Variants in PITPNM1 observed in about 807,000 individuals in gnomAD.
The protein encoded by PITPNM1 is membrane-associated phosphatidylinositol transfer protein 1.
Under a neutral mutation model 133.3 loss-of-function variants are expected in PITPNM1, and 74 were observed. The observed-to-expected ratio is 0.56, with a 90% CI of 0.46 to 0.67. PITPNM1 has a LOEUF of 0.67. Among genes scored for constraint, PITPNM1 ranks in the 30% least tolerant of loss-of-function variants. PITPNM1 has a pLI of 0.00. For missense variants in PITPNM1, 1,398 were observed against 1,739.5 expected, an observed-to-expected ratio of 0.80 and a Z score of 3.49; for synonymous variants, 738 against 741.4, an observed-to-expected ratio of 1.00 and a Z score of 0.08.
At chr11:67,500,890 AAGTT>A (rs1014517998) in intron 5 of PITPNM1, among the ~76,000 whole-genome samples, 3 of 152,272 alleles carry the variant, frequency 2.0e-5, no homozygotes, top group Non-Finnish European at 4.4e-5. Flanking sequence ...GCAGAAGAAA[AAGTT>A]AGAAACTCTT....
upstream of PITPNM1, among the ~76,000 whole-genome samples, chr11:67,505,525 G>A (rs1484630179): frequency 6.6e-6 from 1 of 152,204 alleles, no homozygotes; most frequent in African/African-American, 2.4e-5. This position sits in a 1 kb window ranked among gnomAD's most constrained non-coding sequence, Gnocchi z 5.8. Flanking sequence ...GTGGGAAAAA[G>A]GCCATTGCCT....
chr11:67,493,693 C>T lies in PITPNM1; in HGVS notation c.3153G>A (p.Val1051=), dbSNP rs1190195555. 1 of 1,546,350 alleles carries T rather than the reference C, an allele frequency of 6.5e-7. No homozygotes were observed. Among genetic ancestry groups the T allele is most frequent in the Non-Finnish European group, 8.7e-7 (1 of 1,146,904 alleles). The change falls in exon 21 of 24, where the codon GTG becomes GTA. Residue 1051 remains valine, a synonymous_variant. Coordinates refer to ENST00000356404, the MANE Select transcript of PITPNM1 (RefSeq NM_004910.3). ...DPKVRAGAVD[V]VRHWQDSGYL... ...GTGGCAGTGGCAACTCCTACCTGACCACGTCCACGGCGCCAGCTCGCACCT... is the reference window on the plus strand; with the variant it reads ...GTGGCAGTGGCAACTCCTACCTGACTACGTCCACGGCGCCAGCTCGCACCT...
chr11:67,505,942 G>C (rs553639231), upstream of PITPNM1, among the ~76,000 whole-genome samples: 5 of 152,356 alleles, frequency 3.3e-5, no homozygotes, highest in South Asian at 1.0e-3. The surrounding 1 kb of genome is among the most constrained non-coding windows in gnomAD (Gnocchi z 5.8). Context: ...GCCACCCGGA[G>C]TCTGGGCAAA....
chr11:67,494,386 C>T (rs754411060), intron 18 of PITPNM1, 26 bp from the exon 19 acceptor site: 2 of 1,531,986 alleles, frequency 1.3e-6, no homozygotes, highest in East Asian at 2.3e-5. Flanking sequence ...GGCGTGAGTC[C>T]GCGGCCAGCA....
In PITPNM1 at chr11:67,496,367, A is replaced by C. The variant is rs1297458516; in HGVS notation, c.2147-19T>G. ...TGGGCTGCTGGTACCCAGAAGACAG[A>C]GAAAGATTGTGGGGTCAGGGTTTCA... On this transcript the variant is annotated intron_variant, in intron 14 of 23. Coordinates refer to ENST00000356404, the MANE Select transcript of PITPNM1 (RefSeq NM_004910.3). The C allele has an allele frequency of 1.3e-6, 2 of 1,563,438 alleles. No individual in the cohort carries two copies. Among genetic ancestry groups the C allele is most frequent in the Non-Finnish European group, 8.6e-7 (1 of 1,164,704 alleles).
rs760646698 is a variant in PITPNM1 at position 67,494,331 on chromosome 11, G to A, written c.2772C>T (p.Asp924=). The A allele has an allele frequency of 5.6e-6, 9 of 1,609,872 alleles. No individual in the cohort carries two copies. In the South Asian group the frequency reaches 9.9e-5, roughly 18 times the overall value. Residue 924 remains aspartate (D), a synonymous_variant, in exon 19 of 24, where the codon GAC becomes GAT. Coordinates refer to ENST00000356404, the MANE Select transcript of PITPNM1 (RefSeq NM_004910.3). ...GGGGGCGGCCCTCGCACACCACCGT[G>A]TCGCTCGCCCGGTGGTTGGAAGTGA... ...RNVTSNHRAS[D]TVVCEGRPQV...
rs958175013 is a variant in PITPNM1 at position 67,503,993 on chromosome 11, G to A, written c.78+110C>T. 9.8e-6 allele frequency: 7 copies of A among 713,266 alleles called. No individual in the cohort carries two copies. In the East Asian group the frequency reaches 1.8e-4, roughly 18 times the overall value. 44.2% of individuals were successfully genotyped at this position (713,266 alleles called of 1,614,324 possible). On this transcript the variant is annotated intron_variant, in intron 2 of 23. Transcript: ENST00000356404. Reference sequence around the variant, plus strand: ...TCCCCATTCCCACATCTGAAGGGGGGCCTCTCTTGCCTCCTCCGGGCTCCC... The same window carrying A: ...TCCCCATTCCCACATCTGAAGGGGGACCTCTCTTGCCTCCTCCGGGCTCCC...
At chr11:67,494,150 T>A (rs946768189) in intron 19 of PITPNM1, 80 bp from the exon 20 acceptor site, 1 of 1,508,732 alleles carries the variant, frequency 6.6e-7, no homozygotes, top group Non-Finnish European at 9.0e-7. Flanking sequence ...CGGGGATGGG[T>A]GGGTCTAGGG....
intron 14 of PITPNM1, 101 bp from the exon 15 acceptor site, chr11:67,496,449 C>T (rs1866125649): frequency 9.1e-7 from 1 of 1,097,588 alleles, no homozygotes; most frequent in African/African-American, 1.6e-5. Flanking sequence ...TCTGGTGTGA[C>T]CCCGAGCCAG....
intron 5 of PITPNM1, among the ~76,000 whole-genome samples, chr11:67,500,749 G>A (rs528326367): frequency 2.2e-4 from 34 of 152,348 alleles, no homozygotes; most frequent in African/African-American, 7.7e-4. Flanking sequence ...GGAATTAACA[G>A]TTAATTAAGG....
At chr11:67,496,466 C>T in intron 14 of PITPNM1, 118 bp from the exon 15 acceptor site, 1 of 833,954 alleles carries the variant, frequency 1.2e-6, no homozygotes, top group Non-Finnish European at 1.8e-6. Flanking sequence ...CCAGCACTTC[C>T]CAAACTGCAC....
chr11:67,496,037 A>G lies in PITPNM1; in HGVS notation c.2317+141T>C, dbSNP rs17847840. 3.6e-6 allele frequency: 3 copies of G among 830,990 alleles called. No individual in the cohort carries two copies. In the East Asian group the frequency reaches 1.0e-4, roughly 28 times the overall value. The allele number at this position is 830,990 out of a possible 1,614,324, so 51.5% of individuals were successfully genotyped here. Reference sequence around the variant, plus strand: ...GGGTCCTGGGGATCCAGACCCCCCCAGGGGGAAGGAGCGCCTGGTCCTGGG... The same window carrying G: ...GGGTCCTGGGGATCCAGACCCCCCCGGGGGGAAGGAGCGCCTGGTCCTGGG... On this transcript the variant is annotated intron_variant, in intron 15 of 23. Coordinates refer to ENST00000356404, the MANE Select transcript of PITPNM1 (RefSeq NM_004910.3).
Position 67,493,050 on chromosome 11 carries a change from T to A in PITPNM1, c.3355A>T (p.Ile1119Phe). The A allele has an allele frequency of 6.2e-7, 1 of 1,612,950 alleles. No homozygotes were observed. The highest frequency in any genetic ancestry group is 8.5e-7 in the Non-Finnish European group (1 of 1,179,876). ...TTGGGAGACCCATAACCGGCCACGA[T>A]GTTCAGTTCTACCTGTGGCGGGAGA... ...QSLVQEVELNIVAGYGSPKDV... is the reference protein window; with the variant it reads ...QSLVQEVELNFVAGYGSPKDV... Residue 1119 changes from isoleucine to phenylalanine, a missense_variant, in exon 23 of 24, where the codon ATC (isoleucine) becomes TTC (phenylalanine). This residue lies in a region of PITPNM1 where 233 missense variants were observed against 378.0 expected (regional missense o/e 0.62). Coordinates refer to ENST00000356404, the MANE Select transcript of PITPNM1 (RefSeq NM_004910.3).
chr11:67,493,645 T>C, intron 21 of PITPNM1, 43 bp downstream of exon 21: 1 of 1,545,338 alleles, frequency 6.5e-7, no homozygotes, highest in Non-Finnish European at 8.7e-7. Context: ...GAGGGGCCGG[T>C]CACCCCGGTG....
Position 67,495,605 on chromosome 11 carries a change from G to A in PITPNM1, c.2318-3C>T, listed in dbSNP as rs986242184. On this transcript the variant is annotated splice_region_variant and splice_polypyrimidine_tract_variant and intron_variant, in intron 15 of 23. Transcript: ENST00000356404. ...GGAGTGCGTCTGCAGAGTGTCGGCT[G>A]GGGGAAGGAGGGCAAGGTCAGCAGG... The A allele has an allele frequency of 1.2e-5, 19 of 1,559,902 alleles. No homozygotes were observed. The highest frequency in any genetic ancestry group is 1.6e-5 in the Non-Finnish European group (19 of 1,159,340).
chr11:67,496,434 T>A, intron 14 of PITPNM1, 86 bp from the exon 15 acceptor site: 1 of 1,232,790 alleles, frequency 8.1e-7, no homozygotes, highest in Non-Finnish European at 1.1e-6. Flanking sequence ...AGCAGCACCC[T>A]GATGTCTGGT....
intron 15 of PITPNM1, 74 bp from the exon 16 acceptor site, chr11:67,495,676 A>C: frequency 7.3e-7 from 1 of 1,372,068 alleles, no homozygotes; most frequent in Non-Finnish European, 9.7e-7. Flanking sequence ...GGCTCCCCGC[A>C]CCTCTGCCAT....
At position 67,498,463 on chromosome 11, in the gene PITPNM1, C is replaced by G; in HGVS notation, c.1484+133G>C. Reference sequence around the variant, plus strand: ...GCCCCAAGAGGCAACTGAAATGGAGCCATTCTCCAGAACAGGTCCAGCCAT... The same window carrying G: ...GCCCCAAGAGGCAACTGAAATGGAGGCATTCTCCAGAACAGGTCCAGCCAT... On this transcript the variant is annotated intron_variant, in intron 10 of 23. Coordinates refer to ENST00000356404, the MANE Select transcript of PITPNM1 (RefSeq NM_004910.3). The surrounding 1 kb of genome is among the most constrained non-coding windows in gnomAD (Gnocchi z 5.7). 7.0e-7 allele frequency: 1 copy of G among 1,436,938 alleles called. No individual in the cohort carries two copies. Among genetic ancestry groups the G allele is most frequent in the Middle Eastern group, 2.5e-4 (1 of 4,058 alleles). 89.0% of individuals were successfully genotyped at this position (1,436,938 alleles called of 1,614,324 possible).
rs369087606 is a variant in PITPNM1 at position 67,494,088 on chromosome 11, C to T, written c.2860-18G>A. 3.9e-6 allele frequency: 6 copies of T among 1,556,626 alleles called. No individual in the cohort carries two copies. The East Asian group carries it at 1.4e-4, about 37-fold the overall frequency. On this transcript the variant is annotated intron_variant, in intron 19 of 23. Coordinates refer to ENST00000356404, the MANE Select transcript of PITPNM1 (RefSeq NM_004910.3). ...ACATCCACCTGGAGGGGAGAAGGGG[C>T]GGGAGGTAAATGGGGGCCCTGCGTG... is the stretch of plus-strand genomic sequence containing the variant.
Sources: gnomAD v4.1 joint callset for allele counts (sites outside exome capture counted in the v4.1 genomes callset) on GRCh38, gnomAD v4.1.1 for gene constraint, gnomAD v4.1.1 regional missense constraint, Gnocchi (gnomAD v3.1) non-coding constraint, MANE v1.5 for transcripts, NCBI Gene and HGNC (gene_info 2026-07-23, HGNC 2026-07-21) for gene names.